Variants in KATNIP observed in about 807,000 individuals in gnomAD.
The protein encoded by KATNIP is katanin-interacting protein.
A neutral mutation model predicts 174.0 loss-of-function variants in KATNIP; 126 were observed. The observed-to-expected ratio is 0.72, with a 90% CI of 0.63 to 0.84. KATNIP has a LOEUF of 0.84. KATNIP is among the 40% of genes least tolerant of loss of function. The pLI, the probability that KATNIP is intolerant of heterozygous loss-of-function variation, is 0.00. For synonymous variants in KATNIP, 810 were observed against 835.7 expected (o/e 0.97, Z 0.53); for missense variants, 1,958 against 2,109.7 (o/e 0.93, Z 1.41).
chr16:27,645,918 C>T (rs1033718588), intron 5 of KATNIP, among the ~76,000 whole-genome samples: 6 of 152,130 alleles, frequency 3.9e-5, no homozygotes, highest in Admixed American at 6.5e-5. Flanking sequence ...GCAATGTGAC[C>T]GTCTTAGTGG....
At position 27,713,834 on chromosome 16, in the gene KATNIP, ATATATATATATATATATATATATC is replaced by A. The variant is rs1431401088; in HGVS notation, c.1605+4918_1605+4941del. Among the ~76,000 whole-genome samples the A allele has an allele frequency of 8.3e-4, 62 of 74,600 alleles. 3 individuals are homozygous for A. Among genetic ancestry groups the A allele is most frequent in the Admixed American group, 1.6e-3 (11 of 7,002 alleles). 48.9% of individuals were successfully genotyped at this position (74,600 alleles called of 152,430 possible). The stretch of plus-strand genomic sequence containing the variant: ...CATATATATATATATATATATATAT[ATATATATATATATATATATATATC>A]TATCTCAGATTGTGCCCTTCCCCTA... On this transcript the variant is annotated intron_variant, in intron 13 of 27. Coordinates refer to ENST00000261588, the MANE Select transcript of KATNIP (RefSeq NM_015202.5).
chr16:27,561,976 A>G (rs1457307285), intron 1 of KATNIP, among the ~76,000 whole-genome samples: 1 of 152,194 alleles, frequency 6.6e-6, no homozygotes, highest in Non-Finnish European at 1.5e-5. Context: ...CTAAATACAC[A>G]TTGCATACCC....
intron 3 of KATNIP, 21 bp from the exon 4 acceptor site, chr16:27,628,640 A>G (rs1228781837): frequency 6.2e-7 from 1 of 1,612,904 alleles, no homozygotes; most frequent in Admixed American, 1.7e-5. Flanking sequence ...GAGGAGGAAC[A>G]ACCCACCGTT....
intron 7 of KATNIP, among the ~76,000 whole-genome samples, chr16:27,680,303 C>T (rs1567293190): frequency 6.6e-6 from 1 of 152,060 alleles, no homozygotes; most frequent in Non-Finnish European, 1.5e-5. Flanking sequence ...CACGTGGGAC[C>T]CACTGGGCCT....
chr16:27,718,505 G>A (rs2080060806), intron 13 of KATNIP: 1 of 152,240 alleles, frequency 6.6e-6, no homozygotes, highest in Admixed American at 6.5e-5. Flanking sequence ...ATGAGGCCCA[G>A]AGTTATCCGC....
rs751262810 is a variant in KATNIP at position 27,779,714 on chromosome 16, G to A, written c.*1085G>A. On this transcript the variant is annotated 3_prime_UTR_variant, in exon 28 of 28. Transcript: ENST00000261588. The stretch of plus-strand genomic sequence containing the variant: ...GGAAATGTGCCTTGCACCCCCAGCC[G>A]AGTGAAGCCCAGAACGCATCTATAT... The A allele has an allele frequency of 8.6e-5, 13 of 150,712 alleles. No homozygotes were observed. The highest frequency in any genetic ancestry group is 2.7e-4 in the Admixed American group (4 of 15,014). The allele number at this position is 150,712 out of a possible 1,614,324, so 9.3% of individuals were successfully genotyped here.
chr16:27,635,390 TG>T (rs1004170329), intron 5 of KATNIP, among the ~76,000 whole-genome samples: 6 of 152,084 alleles, frequency 3.9e-5, no homozygotes, highest in Admixed American at 1.3e-4. Flanking sequence ...GAGTGTGGGA[TG>T]GGTACCGAGA....
At chr16:27,651,218 C>A (rs1255564059) in intron 6 of KATNIP, among the ~76,000 whole-genome samples, 1 of 152,224 alleles carries the variant, frequency 6.6e-6, no homozygotes, top group Non-Finnish European at 1.5e-5. Context: ...TCCGCATAGG[C>A]ATGGCTGCTG....
At chr16:27,563,105 T>G (rs996248454) in intron 1 of KATNIP, among the ~76,000 whole-genome samples, 2 of 152,224 alleles carry the variant, frequency 1.3e-5, no homozygotes, top group Non-Finnish European at 2.9e-5. Context: ...GATAGCAGCC[T>G]CTGGTTTCAT....
At chr16:27,721,479 G>C (rs1163244691) in intron 13 of KATNIP, 79 bp from the exon 14 acceptor site, 9 of 1,568,742 alleles carry the variant, frequency 5.7e-6, no homozygotes, top group Middle Eastern at 1.7e-4. Context: ...GTTTTCGTGA[G>C]CCAAAGAGCC....
At chr16:27,716,600 A>T (rs1334301678) in intron 13 of KATNIP, among the ~76,000 whole-genome samples, 2 of 152,196 alleles carry the variant, frequency 1.3e-5, no homozygotes, top group African/African-American at 4.8e-5. Context: ...ACAGACCTTC[A>T]TACATTCACT....
chr16:27,609,821 A>G (rs1259572891), intron 2 of KATNIP, among the ~76,000 whole-genome samples: 1 of 151,340 alleles, frequency 6.6e-6, no homozygotes, highest in Non-Finnish European at 1.5e-5. Context: ...CCTCCCGTGT[A>G]GCTGGGATTA....
At chr16:27,672,764 G>A (rs527481911) in intron 6 of KATNIP, among the ~76,000 whole-genome samples, 22 of 152,228 alleles carry the variant, frequency 1.4e-4, no homozygotes, top group African/African-American at 4.6e-4. Context: ...CTCAAATTTG[G>A]GGGTATCTCC....
At chr16:27,681,625 C>T in intron 8 of KATNIP, 95 bp downstream of exon 8, 2 of 1,404,674 alleles carry the variant, frequency 1.4e-6, no homozygotes, top group Non-Finnish European at 2.0e-6. Flanking sequence ...CATTACCCTC[C>T]TTGCAGAGGG....
chr16:27,682,013 G>A (rs1035107862), intron 8 of KATNIP, among the ~76,000 whole-genome samples: 4 of 152,214 alleles, frequency 2.6e-5, no homozygotes, highest in African/African-American at 4.8e-5. Context: ...CTGTGGCCCA[G>A]TCAAGCCAAC....
At chr16:27,644,046 G>T (rs529761309) in intron 5 of KATNIP, among the ~76,000 whole-genome samples, 35 of 145,490 alleles carry the variant, frequency 2.4e-4, no homozygotes, top group African/African-American at 8.2e-4. Flanking sequence ...TTTTTAAGCA[G>T]GGTCTTACTC....
At chr16:27,578,808 C>T (rs1405380857) in intron 2 of KATNIP, among the ~76,000 whole-genome samples, 1 of 152,082 alleles carries the variant, frequency 6.6e-6, no homozygotes, top group Non-Finnish European at 1.5e-5. Context: ...AAACTCCTGC[C>T]CTCAAGGGAT....
chr16:27,657,377 G>A (rs1382722225), intron 6 of KATNIP, among the ~76,000 whole-genome samples: 1 of 152,108 alleles, frequency 6.6e-6, no homozygotes, highest in Non-Finnish European at 1.5e-5. Context: ...GAAAAAGCTA[G>A]CACATTAAAG....
intron 14 of KATNIP, among the ~76,000 whole-genome samples, chr16:27,726,353 GA>G (rs1355514264): frequency 6.6e-6 from 1 of 152,212 alleles, no homozygotes; most frequent in African/African-American, 2.4e-5. Context: ...AACTTTCTGT[GA>G]TGGTAGACAT....
Sources: allele counts gnomAD v4.1 joint callset (sites outside exome capture counted in the v4.1 genomes callset), GRCh38; gene constraint gnomAD v4.1.1; transcripts MANE v1.5; gene names NCBI Gene and HGNC (gene_info 2026-07-23, HGNC 2026-07-21).